CHRM3: variants seen among roughly 807,000 people sequenced by gnomAD.
CHRM3 encodes cholinergic receptor muscarinic 3.
A neutral mutation model predicts 41.8 loss-of-function variants in CHRM3; 11 were observed. The ratio of observed to expected loss-of-function variants is 0.26; its 90% CI spans 0.17 to 0.44. The LOEUF is 0.44. Ranked by LOEUF, CHRM3 falls within the 20% of genes least tolerant of loss-of-function variation. The probability of loss-of-function intolerance (pLI) is 1.00; values close to 1 mark genes in which losing one functional copy is unlikely to be tolerated. For missense variants in CHRM3, 571 were observed against 745.4 expected (o/e 0.77, Z 2.72); for synonymous variants, 297 against 301.4 (o/e 0.99, Z 0.15).
In CHRM3 at chr1:239,912,834, G is replaced by C. The variant is rs1680441307; in HGVS notation, c.*3610G>C. ...TCAGAGGACGAGTGAAAATAGTGCA[G>C]TATAGTCAAAGAAGCAATGAATTTA... On this transcript the variant is annotated 3_prime_UTR_variant, in exon 7 of 7. Coordinates refer to ENST00000676153, the MANE Select transcript of CHRM3 (RefSeq NM_001375978.1). The C allele has an allele frequency of 6.0e-6, 1 of 167,106 alleles. No individual in the cohort carries two copies. The highest frequency in any genetic ancestry group is 1.5e-5 in the Non-Finnish European group (1 of 68,128). 10.4% of individuals were successfully genotyped at this position (167,106 alleles called of 1,614,324 possible). A position where few individuals can be genotyped will look rare whatever the true frequency, so the allele number is the denominator to read the frequency against.
At chr1:239,900,378 T>TTC in intron 6 of CHRM3, among the ~76,000 whole-genome samples, 1 of 86,368 alleles carries the variant, frequency 1.2e-5, no homozygotes, top group East Asian at 3.7e-4. Context: ...TTAGATATTC[T>TTC]TTTTTTTTTT....
intron 6 of CHRM3, among the ~76,000 whole-genome samples, chr1:239,838,598 G>A (rs1257745875): frequency 1.3e-5 from 2 of 152,074 alleles, no homozygotes; most frequent in East Asian, 3.9e-4. Flanking sequence ...TATTGTATAG[G>A]CAATGAGACC....
chr1:239,489,342 G>A (rs1337432595), intron 1 of CHRM3, among the ~76,000 whole-genome samples: 1 of 152,054 alleles, frequency 6.6e-6, no homozygotes, highest in Non-Finnish European at 1.5e-5. Context: ...AACCTGGGAG[G>A]CAGAGGTTAC....
chr1:239,780,412 C>T (rs996371063), intron 5 of CHRM3, among the ~76,000 whole-genome samples: 1 of 152,208 alleles, frequency 6.6e-6, no homozygotes, highest in Non-Finnish European at 1.5e-5. Flanking sequence ...TCTTTGCCAA[C>T]TGTATATCCT....
At chr1:239,398,598 G>C (rs532995414) in intron 1 of CHRM3, among the ~76,000 whole-genome samples, 1 of 152,268 alleles carries the variant, frequency 6.6e-6, no homozygotes, top group East Asian at 1.9e-4. Flanking sequence ...CATTGGTATA[G>C]TTAATATGTC....
intron 5 of CHRM3, among the ~76,000 whole-genome samples, chr1:239,753,766 T>A (rs1399969709): frequency 6.6e-6 from 1 of 152,154 alleles, no homozygotes; most frequent in Non-Finnish European, 1.5e-5. Context: ...CAGCAAGCAG[T>A]ATATTGGGAA....
At chr1:239,646,274 A>T (rs890070713) in intron 4 of CHRM3, among the ~76,000 whole-genome samples, 2 of 152,208 alleles carry the variant, frequency 1.3e-5, no homozygotes, top group African/African-American at 2.4e-5. Context: ...CATTTAGCTG[A>T]TCTGTTCTGA....
At chr1:239,406,607 C>T (rs1480455536) in intron 1 of CHRM3, among the ~76,000 whole-genome samples, 1 of 152,162 alleles carries the variant, frequency 6.6e-6, no homozygotes, top group Non-Finnish European at 1.5e-5. Flanking sequence ...AAAGAAATAA[C>T]TAACTCAGTA....
chr1:239,415,939 T>C lies in CHRM3; in HGVS notation c.-521+28712T>C, dbSNP rs908515584. 9.8e-5 allele frequency among the ~76,000 whole-genome samples: 15 copies of C among 152,310 alleles called. 1 individual carries two copies. Among genetic ancestry groups the C allele is most frequent in the African/African-American group, 2.6e-4 (11 of 41,574 alleles). On this transcript the variant is annotated intron_variant, in intron 1 of 6. Transcript: ENST00000676153. ...ATTTTAATGTTTGCCATAGATTTTC[T>C]TACTCGGTAAAAATTAAGGAAGAAA...
chr1:239,835,086 C>G (rs1339291759), intron 6 of CHRM3, among the ~76,000 whole-genome samples: 2 of 152,172 alleles, frequency 1.3e-5, no homozygotes, highest in South Asian at 2.1e-4. Context: ...AGTCAAGGGA[C>G]AAGTCATGTT....
At chr1:239,814,051 TAAATA>T (rs1217242107) in intron 5 of CHRM3, among the ~76,000 whole-genome samples, 1 of 87,018 alleles carries the variant, frequency 1.1e-5, no homozygotes, top group African/African-American at 5.8e-5. Flanking sequence ...AATAAATAAA[TAAATA>T]CATAAACTAA....
intron 1 of CHRM3, among the ~76,000 whole-genome samples, chr1:239,408,003 G>T (rs1660744530): frequency 6.6e-6 from 1 of 152,202 alleles, no homozygotes; most frequent in African/African-American, 2.4e-5. Context: ...GATATGGTTT[G>T]CCTGTGTCTC....
At chr1:239,733,739 G>C (rs1011273388) in intron 5 of CHRM3, among the ~76,000 whole-genome samples, 6 of 152,022 alleles carry the variant, frequency 3.9e-5, no homozygotes, top group Non-Finnish European at 8.8e-5. Context: ...GTTGCTTAAT[G>C]TATGGCTTCA....
At chr1:239,888,378 A>G (rs1431765419) in intron 6 of CHRM3, among the ~76,000 whole-genome samples, 2 of 151,824 alleles carry the variant, frequency 1.3e-5, no homozygotes, top group Admixed American at 1.3e-4. Flanking sequence ...CAAAAAAAAA[A>G]GGAAAAAAGA....
chr1:239,593,641 A>G lies in CHRM3; in HGVS notation c.-312-38583A>G, dbSNP rs1235687055. 2.0e-5 allele frequency among the ~76,000 whole-genome samples: 3 copies of G among 152,154 alleles called. No homozygotes were observed. The East Asian group carries it at 5.8e-4, about 29-fold the overall frequency. On this transcript the variant is annotated intron_variant, in intron 3 of 6. Transcript: ENST00000676153. ...TAGTTCAATACGGTAGCAATTCTCA[A>G]CTTGAGGATACAGTGTCAGGCTCTA...
At chr1:239,576,172 C>T (rs114849573) in intron 3 of CHRM3, among the ~76,000 whole-genome samples, 1,540 of 152,174 alleles carry the variant, frequency 0.01, 12 homozygotes, top group Non-Finnish European at 0.018. Flanking sequence ...GGTTGAATAA[C>T]GTCCATTGTA....
rs1408731070 is a variant in CHRM3, at chr1:239,748,897, TTCTGGG to T, written c.-147+70610_-147+70615del. 6.6e-6 allele frequency among the ~76,000 whole-genome samples: 1 copy of T among 152,194 alleles called. No homozygotes were observed. The highest frequency in any genetic ancestry group is 1.5e-5 in the Non-Finnish European group (1 of 68,024). ...GCTAGCTTTACTGAAGGAAAATGAT[TTCTGGG>T]GCACACCAGCCCTGTACTGGCAGTT... On this transcript the variant is annotated intron_variant, in intron 5 of 6. Transcript: ENST00000676153. The surrounding 1 kb of genome is among the most constrained non-coding windows in gnomAD (Gnocchi z 4.3).
chr1:239,485,612 T>C (rs1300874046), intron 1 of CHRM3, among the ~76,000 whole-genome samples: 1 of 151,974 alleles, frequency 6.6e-6, no homozygotes, highest in Non-Finnish European at 1.5e-5. Context: ...AGGCAAAAGG[T>C]TTTCACTTGA....
At chr1:239,894,323 G>T (rs955021753) in intron 6 of CHRM3, among the ~76,000 whole-genome samples, 1 of 152,214 alleles carries the variant, frequency 6.6e-6, no homozygotes. Flanking sequence ...TGGCACAGGC[G>T]CAAGTGGATG....
Sources: gnomAD v4.1 joint callset for allele counts (sites outside exome capture counted in the v4.1 genomes callset) on GRCh38, gnomAD v4.1.1 for gene constraint, Gnocchi (gnomAD v3.1) non-coding constraint, MANE v1.5 for transcripts, NCBI Gene and HGNC (gene_info 2026-07-23, HGNC 2026-07-21) for gene names.